Variants in CTBP2 observed in about 807,000 individuals in gnomAD.
CTBP2 encodes C-terminal-binding protein 2.
A neutral mutation model predicts 80.3 loss-of-function variants in CTBP2; 30 were observed. The observed-to-expected ratio is 0.37, with a 90% CI of 0.28 to 0.51. The LOEUF is 0.51. Among genes scored for constraint, CTBP2 ranks in the 20% least tolerant of loss-of-function variants. CTBP2 has a pLI of 0.93. For synonymous variants in CTBP2, 594 were observed against 587.4 expected (o/e 1.01, Z -0.16); for missense variants, 1,212 against 1,375.3 (o/e 0.88, Z 1.88).
chr10:125,104,896 G>A (rs188860269), intron 2 of CTBP2, among the ~76,000 whole-genome samples: 5 of 152,314 alleles, frequency 3.3e-5, no homozygotes, highest in Admixed American at 1.3e-4. Context: ...CAGACAGCAC[G>A]TCCTTCTTTC....
At chr10:125,071,991 A>G (rs1845557053) in intron 2 of CTBP2, among the ~76,000 whole-genome samples, 1 of 152,188 alleles carries the variant, frequency 6.6e-6, no homozygotes, top group Non-Finnish European at 1.5e-5. Flanking sequence ...GAGGGTGGCC[A>G]GTCTGGGCCC....
Position 125,005,681 on chromosome 10 carries a change from T to C in CTBP2, c.1679-2189A>G, listed in dbSNP as rs764139081. 1.9e-6 allele frequency: 3 copies of C among 1,612,816 alleles called. No individual in the cohort carries two copies. In the Admixed American group the frequency reaches 5.0e-5, roughly 27 times the overall value. On this transcript the variant is annotated intron_variant, in intron 1 of 8. Coordinates refer to ENST00000309035, the MANE Select transcript of CTBP2 (RefSeq NM_022802.3). ...CACACATGGCTCCCACCTGGGCTCC[T>C]GTTTTCTGCTAAGAAAATGGTACAA...
At chr10:125,019,536 G>A (rs577523224) in intron 1 of CTBP2, among the ~76,000 whole-genome samples, 24 of 152,020 alleles carry the variant, frequency 1.6e-4, no homozygotes, top group Admixed American at 8.5e-4. Flanking sequence ...GAAGTCTGGC[G>A]TGAAGCTCTA....
intron 2 of CTBP2, among the ~76,000 whole-genome samples, chr10:125,051,813 C>T (rs182504028): frequency 2.2e-4 from 33 of 152,214 alleles, no homozygotes; most frequent in Admixed American, 1.2e-3. Flanking sequence ...GTTACAGCGG[C>T]AATCAAATTA....
At chr10:125,048,494 A>G (rs1961830797) in intron 2 of CTBP2, among the ~76,000 whole-genome samples, 1 of 152,218 alleles carries the variant, frequency 6.6e-6, no homozygotes. Flanking sequence ...GGAGCATGAT[A>G]TGCCAGGGGA....
At chr10:125,046,532 T>A (rs1200153205) in intron 2 of CTBP2, among the ~76,000 whole-genome samples, 1 of 56,082 alleles carries the variant, frequency 1.8e-5, no homozygotes, top group African/African-American at 8.4e-5. Flanking sequence ...AGTGAGACTC[T>A]ATCTCAAAAA....
Position 125,003,328 on chromosome 10 carries a change from G to T in CTBP2, c.1833+10C>A, listed in dbSNP as rs368312635. ...TCAGTGCAGGCCCCGGCCGGGCAGG[G>T]TGGGCCCACCTTCTCGTGGATTTCC... On this transcript the variant is annotated intron_variant, in intron 2 of 8. Transcript: ENST00000309035. 6.2e-7 allele frequency: 1 copy of T among 1,607,102 alleles called. No homozygotes were observed. Among genetic ancestry groups the T allele is most frequent in the Non-Finnish European group, 8.5e-7 (1 of 1,178,636 alleles).
At chr10:125,061,444 T>C (rs1964953126) in intron 2 of CTBP2, among the ~76,000 whole-genome samples, 1 of 152,132 alleles carries the variant, frequency 6.6e-6, no homozygotes, top group Non-Finnish European at 1.5e-5. Flanking sequence ...AGAAGGCCTG[T>C]GGACAGGAAG....
At chr10:125,049,431 T>C (rs768535398) in intron 2 of CTBP2, among the ~76,000 whole-genome samples, 16 of 152,342 alleles carry the variant, frequency 1.1e-4, no homozygotes, top group Middle Eastern at 3.4e-3. Context: ...AGCCCCCACC[T>C]GAGCTCCGGT....
intron 2 of CTBP2, among the ~76,000 whole-genome samples, chr10:125,060,721 G>C (rs1428538853): frequency 6.6e-6 from 1 of 152,244 alleles, no homozygotes; most frequent in Non-Finnish European, 1.5e-5. Context: ...GGGAAGCCAA[G>C]AGGAGAGATT....
intron 2 of CTBP2, among the ~76,000 whole-genome samples, chr10:125,067,047 C>T (rs760420263): frequency 6.6e-5 from 10 of 152,206 alleles, no homozygotes; most frequent in Non-Finnish European, 1.2e-4. Context: ...CCCCCACGTC[C>T]ACCTGCTATG....
chr10:125,149,157 C>T (rs1002389483), intron 1 of CTBP2, among the ~76,000 whole-genome samples: 7 of 152,178 alleles, frequency 4.6e-5, no homozygotes, highest in African/African-American at 1.4e-4. Context: ...ACGACATGGG[C>T]TCTGGAAGAC....
chr10:125,072,475 G>C (rs1217076754), intron 2 of CTBP2, among the ~76,000 whole-genome samples: 1 of 151,948 alleles, frequency 6.6e-6, no homozygotes, highest in East Asian at 1.9e-4. Context: ...AATTAGTCAG[G>C]TGTGATGGCA....
chr10:125,019,138 G>A (rs180785316), intron 1 of CTBP2, among the ~76,000 whole-genome samples: 1 of 152,218 alleles, frequency 6.6e-6, no homozygotes, highest in East Asian at 1.9e-4. Context: ...CCCACTGGAG[G>A]GGGCAAGAAA....
intron 1 of CTBP2, among the ~76,000 whole-genome samples, chr10:125,156,425 C>T (rs144833123): frequency 6.6e-6 from 1 of 152,170 alleles, no homozygotes; most frequent in Non-Finnish European, 1.5e-5. Flanking sequence ...TTAGGGAAAG[C>T]GTTAAGTGCA....
At chr10:125,033,323 A>C (rs1308739014) in intron 3 of CTBP2, among the ~76,000 whole-genome samples, 1 of 152,204 alleles carries the variant, frequency 6.6e-6, no homozygotes, top group Admixed American at 6.5e-5. Flanking sequence ...TGAGAAAGGC[A>C]CGTGAGGTCA....
intron 1 of CTBP2, among the ~76,000 whole-genome samples, chr10:125,012,725 C>T (rs779873689): frequency 3.3e-5 from 5 of 152,154 alleles, no homozygotes; most frequent in African/African-American, 7.2e-5. Context: ...CTGCAACCTC[C>T]GCCTCCTGGG....
chr10:125,004,306 C>G (rs986067825), intron 1 of CTBP2, among the ~76,000 whole-genome samples: 1 of 152,216 alleles, frequency 6.6e-6, no homozygotes, highest in African/African-American at 2.4e-5. Context: ...CGCATGCTTG[C>G]GCCCCGTGCA....
At chr10:125,147,615 T>C (rs1402890248) in intron 1 of CTBP2, among the ~76,000 whole-genome samples, 3 of 152,038 alleles carry the variant, frequency 2.0e-5, no homozygotes, top group Admixed American at 6.6e-5. Context: ...CATAGCACCA[T>C]GACAGGCTTG....
Sources: allele counts gnomAD v4.1 joint callset (sites outside exome capture counted in the v4.1 genomes callset), GRCh38; gene constraint gnomAD v4.1.1; transcripts MANE v1.5; gene names NCBI Gene and HGNC (gene_info 2026-07-23, HGNC 2026-07-21).